Variants in OPCML observed in about 807,000 individuals in gnomAD.
OPCML encodes the protein opioid binding protein/cell adhesion molecule like.
OPCML carries 13 observed loss-of-function variants against 37.8 expected under a neutral mutation model. The observed-to-expected ratio is 0.34, with a 90% confidence interval of 0.22 to 0.55. The LOEUF is 0.55. Among genes scored for constraint, OPCML ranks in the 20% least tolerant of loss-of-function variants. The pLI is 0.91. For synonymous variants in OPCML, 176 were observed against 168.8 expected, an observed-to-expected ratio of 1.04 and a Z score of -0.33; for missense variants, 341 against 435.6, an observed-to-expected ratio of 0.78 and a Z score of 1.93.
At chr11:133,392,491 G>T (rs1389407569) in intron 1 of OPCML, among the ~76,000 whole-genome samples, 5 of 152,206 alleles carry the variant, frequency 3.3e-5, no homozygotes, top group Non-Finnish European at 7.3e-5. Context: ...TAAGAAGAAG[G>T]CTGGATCCTG....
chr11:132,732,292 C>T (rs1945103538), intron 2 of OPCML, among the ~76,000 whole-genome samples: 1 of 152,184 alleles, frequency 6.6e-6, no homozygotes, highest in Non-Finnish European at 1.5e-5. Context: ...ACAACTAAGT[C>T]ATACACCTAA....
rs963079347 is a variant in OPCML at position 133,294,906 on chromosome 11, C to T, written c.61+237358G>A. On this transcript the variant is annotated intron_variant, in intron 1 of 7. Transcript: ENST00000524381. Reference sequence around the variant, plus strand: ...TGGTGCAGTCTCGGCCCACTGCAACCTCCGCCTCCCAGGTTGAAGCAATTC... The same window carrying T: ...TGGTGCAGTCTCGGCCCACTGCAACTTCCGCCTCCCAGGTTGAAGCAATTC... Among the ~76,000 whole-genome samples, 4 of 148,778 alleles carry T rather than the reference C, an allele frequency of 2.7e-5. No individual in the cohort carries two copies. In the Admixed American group the frequency reaches 2.7e-4, roughly 10 times the overall value.
At chr11:133,163,522 A>G (rs1950171305) in intron 1 of OPCML, among the ~76,000 whole-genome samples, 1 of 152,232 alleles carries the variant, frequency 6.6e-6, no homozygotes, top group Non-Finnish European at 1.5e-5. Context: ...CAGGAATAAT[A>G]GTTTGTTTGA....
chr11:132,933,222 A>G (rs1396529784), intron 2 of OPCML, among the ~76,000 whole-genome samples: 1 of 152,154 alleles, frequency 6.6e-6, no homozygotes, highest in Non-Finnish European at 1.5e-5. Context: ...TCATCCTGAG[A>G]TGGAATGTTT....
chr11:133,397,248 CTA>C (rs1298535456), intron 1 of OPCML, among the ~76,000 whole-genome samples: 1 of 152,152 alleles, frequency 6.6e-6, no homozygotes, highest in Non-Finnish European at 1.5e-5. Flanking sequence ...CTTCCTTTTT[CTA>C]TGTTTCCCTT....
rs568658742 is a variant in OPCML, at chr11:132,509,760, G to A, written c.505+19301C>T. Reference sequence around the variant, plus strand: ...AGAAGATGTATGGAAATGCTTGGATGCCCAGGCAAAAGTTTGCTGCAGGGG... The same window carrying A: ...AGAAGATGTATGGAAATGCTTGGATACCCAGGCAAAAGTTTGCTGCAGGGG... On this transcript the variant is annotated intron_variant, in intron 4 of 7. Transcript: ENST00000524381. Among the ~76,000 whole-genome samples, 83 of 152,326 alleles carry A rather than the reference G, an allele frequency of 5.4e-4. 2 individuals are homozygous for A. Among genetic ancestry groups the A allele is most frequent in the Admixed American group, 5.4e-3 (82 of 15,300 alleles).
intron 3 of OPCML, among the ~76,000 whole-genome samples, chr11:132,622,512 G>A (rs943998385): frequency 3.3e-5 from 5 of 152,198 alleles, no homozygotes; most frequent in Admixed American, 2.0e-4. Flanking sequence ...GGAAAAACAT[G>A]GCTGTGCTAG....
At chr11:132,478,354 G>A (rs1565596670) in intron 4 of OPCML, among the ~76,000 whole-genome samples, 1 of 152,202 alleles carries the variant, frequency 6.6e-6, no homozygotes, top group East Asian at 1.9e-4. Context: ...AGAGAATAGA[G>A]TGGCTGGCAC....
At chr11:133,505,652 C>T (rs1208242541) in intron 1 of OPCML, among the ~76,000 whole-genome samples, 2 of 152,230 alleles carry the variant, frequency 1.3e-5, no homozygotes, top group Non-Finnish European at 2.9e-5. Flanking sequence ...ACATTGGCCT[C>T]CAGTGCCCCT....
intron 1 of OPCML, among the ~76,000 whole-genome samples, chr11:133,243,992 C>T (rs1273402867): frequency 6.6e-6 from 1 of 152,158 alleles, no homozygotes; most frequent in Non-Finnish European, 1.5e-5. Context: ...GGACATGCAT[C>T]CAGCCCCAGT....
intron 3 of OPCML, among the ~76,000 whole-genome samples, chr11:132,577,078 G>C (rs1044472112): frequency 2.0e-5 from 3 of 152,176 alleles, no homozygotes; most frequent in Non-Finnish European, 4.4e-5. Flanking sequence ...TCCAGTGAGA[G>C]AGTGTCCTGA....
intron 2 of OPCML, among the ~76,000 whole-genome samples, chr11:132,756,108 G>C (rs1946033658): frequency 6.6e-6 from 1 of 152,210 alleles, no homozygotes; most frequent in South Asian, 2.1e-4. Context: ...CTCCTGACCA[G>C]GGTGGTGACG....
intron 3 of OPCML, among the ~76,000 whole-genome samples, chr11:132,565,627 T>C (rs1344577800): frequency 6.6e-6 from 1 of 152,252 alleles, no homozygotes; most frequent in Admixed American, 6.5e-5. Context: ...CAGTTCTCAA[T>C]GCTTACAAGA....
At chr11:133,392,680 A>G (rs947212201) in intron 1 of OPCML, among the ~76,000 whole-genome samples, 4 of 152,224 alleles carry the variant, frequency 2.6e-5, no homozygotes, top group Admixed American at 2.0e-4. Context: ...AAGTCAGGAA[A>G]GACTGACTCC....
At chr11:132,671,652 T>G (rs1276502371) in intron 2 of OPCML, among the ~76,000 whole-genome samples, 3 of 152,126 alleles carry the variant, frequency 2.0e-5, no homozygotes, top group Admixed American at 6.6e-5. Flanking sequence ...GGCAAGACAC[T>G]AAGAAAGACT....
intron 2 of OPCML, among the ~76,000 whole-genome samples, chr11:132,909,923 C>T (rs921479960): frequency 3.3e-5 from 5 of 152,006 alleles, no homozygotes; most frequent in African/African-American, 9.7e-5. Context: ...ATTATTGTGT[C>T]GTGTTATTAC....
intron 4 of OPCML, 127 bp downstream of exon 4, chr11:132,528,934 A>G: frequency 1.7e-6 from 1 of 602,390 alleles, no homozygotes; most frequent in Non-Finnish European, 3.0e-6. Context: ...CAATTGGTGC[A>G]TATTGCCTGT....
At chr11:132,470,316 T>G (rs1418898020) in intron 4 of OPCML, among the ~76,000 whole-genome samples, 1 of 152,092 alleles carries the variant, frequency 6.6e-6, no homozygotes, top group Non-Finnish European at 1.5e-5. Flanking sequence ...CAGGGCTTCC[T>G]ACTAGATCAG....
At chr11:133,522,960 A>G (rs1948423457) in intron 1 of OPCML, among the ~76,000 whole-genome samples, 2 of 152,154 alleles carry the variant, frequency 1.3e-5, no homozygotes, top group Admixed American at 6.5e-5. Flanking sequence ...GAGGTCATAC[A>G]TGCTTTGCAT....
Sources: allele counts gnomAD v4.1 joint callset (sites outside exome capture counted in the v4.1 genomes callset), GRCh38; gene constraint gnomAD v4.1.1; transcripts MANE v1.5; gene names NCBI Gene and HGNC (gene_info 2026-07-23, HGNC 2026-07-21).